Variants in GREB1 observed in about 807,000 individuals in gnomAD.
GREB1 encodes protein GREB1.
GREB1 carries 106 observed loss-of-function variants against 200.7 expected under a neutral mutation model. The ratio of observed to expected loss-of-function variants is 0.53; its 90% CI spans 0.45 to 0.62. The LOEUF (loss-of-function observed/expected upper bound fraction) is 0.62. Among genes scored for constraint, GREB1 ranks in the 20% least tolerant of loss-of-function variants. The pLI, the probability that GREB1 is intolerant of heterozygous loss-of-function variation, is 0.00. For synonymous variants in GREB1, 1,132 were observed against 1,092.4 expected (o/e 1.04, Z -0.72); for missense variants, 2,243 against 2,556.8 (o/e 0.88, Z 2.65).
intron 1 of GREB1, among the ~76,000 whole-genome samples, chr2:11,499,412 G>A (rs1672970208): frequency 6.6e-6 from 1 of 152,240 alleles, no homozygotes; most frequent in Non-Finnish European, 1.5e-5. Context: ...TCAAAGACAT[G>A]TCTAAACACT....
At chr2:11,544,407 A>G (rs529182275) in intron 1 of GREB1, among the ~76,000 whole-genome samples, 25 of 152,140 alleles carry the variant, frequency 1.6e-4, no homozygotes, top group East Asian at 9.7e-4. Context: ...TTGTAGAGGC[A>G]GGGTTTCACC....
chr2:11,578,792 G>C (rs1444245895), intron 6 of GREB1, among the ~76,000 whole-genome samples: 1 of 152,162 alleles, frequency 6.6e-6, no homozygotes, highest in Non-Finnish European at 1.5e-5. Flanking sequence ...AGACCAGATT[G>C]CTGCCATTCA....
At chr2:11,558,463 G>C (rs1283700280) in intron 2 of GREB1, among the ~76,000 whole-genome samples, 2 of 152,196 alleles carry the variant, frequency 1.3e-5, no homozygotes, top group Non-Finnish European at 2.9e-5. Flanking sequence ...GCGGTTGAAG[G>C]TTCCCTGCCA....
intron 1 of GREB1, among the ~76,000 whole-genome samples, chr2:11,486,907 A>G (rs1169103353): frequency 2.6e-5 from 4 of 152,020 alleles, no homozygotes; most frequent in African/African-American, 7.2e-5. Flanking sequence ...ACAGAAATCT[A>G]TGATTTAGAT....
At chr2:11,555,580 C>G (rs971357530) in intron 1 of GREB1, among the ~76,000 whole-genome samples, 1 of 152,208 alleles carries the variant, frequency 6.6e-6, no homozygotes, top group Non-Finnish European at 1.5e-5. Flanking sequence ...TCATGCTAAA[C>G]AGATGAATCT....
At chr2:11,618,262 C>T in intron 21 of GREB1, 26 bp from the exon 22 acceptor site, 1 of 1,183,354 alleles carries the variant, frequency 8.5e-7, no homozygotes, top group Non-Finnish European at 1.1e-6. Flanking sequence ...TCTAGGACGT[C>T]CCTGACCATG....
intron 21 of GREB1, among the ~76,000 whole-genome samples, chr2:11,617,837 G>A (rs916804450): frequency 3.3e-5 from 5 of 152,132 alleles, no homozygotes; most frequent in African/African-American, 9.7e-5. Context: ...CTGGCTAGGG[G>A]GCATCTGGGG....
In GREB1 at chr2:11,618,523, C is replaced by T; in HGVS notation, c.3648C>T (p.Thr1216=). ...TGQRSVQVSV[T]SSCSQLSSSS... ...AGAGGAGCGTCCAGGTGTCGGTCAC[C>T]TCGTCGTGCTCCCAGCTGTCCTCCT... is the stretch of plus-strand genomic sequence containing the variant. Residue 1216 remains threonine (T), a synonymous_variant, in exon 22 of 33, where the codon ACC becomes ACT. Coordinates refer to ENST00000381486, the MANE Select transcript of GREB1 (RefSeq NM_014668.4). 6.2e-7 allele frequency: 1 copy of T among 1,612,218 alleles called. No homozygotes were observed. The highest frequency in any genetic ancestry group is 8.5e-7 in the Non-Finnish European group (1 of 1,179,690).
At chr2:11,524,760 TC>T (rs1253327416) in intron 1 of GREB1, among the ~76,000 whole-genome samples, 4 of 152,120 alleles carry the variant, frequency 2.6e-5, no homozygotes, top group Non-Finnish European at 4.4e-5. Flanking sequence ...ACCCTGTCCA[TC>T]CCCCCACTTC....
Position 11,641,292 on chromosome 2 carries a change from G to A in GREB1, c.*838G>A, listed in dbSNP as rs1404260108. Reference sequence around the variant, plus strand: ...AATAGTTGATGAGAACTAGACTTATGACTGTAGTTTACTAGAGTTTAGTTT... The same window carrying A: ...AATAGTTGATGAGAACTAGACTTATAACTGTAGTTTACTAGAGTTTAGTTT... On this transcript the variant is annotated 3_prime_UTR_variant, in exon 33 of 33. Coordinates refer to ENST00000381486, the MANE Select transcript of GREB1 (RefSeq NM_014668.4). The A allele has an allele frequency of 2.6e-5, 4 of 152,152 alleles. No homozygotes were observed. Among genetic ancestry groups the A allele is most frequent in the South Asian group, 2.1e-4 (1 of 4,820 alleles). 9.4% of individuals were successfully genotyped at this position (152,152 alleles called of 1,614,324 possible).
chr2:11,586,215 C>A (rs1298035836), intron 9 of GREB1, among the ~76,000 whole-genome samples: 3 of 152,228 alleles, frequency 2.0e-5, no homozygotes, highest in African/African-American at 7.2e-5. Context: ...CATTGAGCTT[C>A]TGCCGTGGTC....
intron 10 of GREB1, among the ~76,000 whole-genome samples, chr2:11,590,197 C>T (rs1038197543): frequency 1.3e-5 from 2 of 152,096 alleles, no homozygotes; most frequent in African/African-American, 4.8e-5. Flanking sequence ...ATAGTCCCCA[C>T]CTGTCCATCA....
chr2:11,619,293 G>T (rs1165711028), intron 22 of GREB1, among the ~76,000 whole-genome samples: 1 of 152,178 alleles, frequency 6.6e-6, no homozygotes, highest in Non-Finnish European at 1.5e-5. Context: ...AGAACTAGGG[G>T]TTCTGTTTCC....
intron 22 of GREB1, among the ~76,000 whole-genome samples, chr2:11,620,013 T>C (rs1683870224): frequency 6.6e-6 from 1 of 152,220 alleles, no homozygotes; most frequent in African/African-American, 2.4e-5. Context: ...AGTCTCGCTC[T>C]GTCGCCAGGC....
intron 24 of GREB1, 72 bp from the exon 25 acceptor site, chr2:11,626,889 TC>T: frequency 6.5e-7 from 1 of 1,533,196 alleles, no homozygotes; most frequent in African/African-American, 1.4e-5. Flanking sequence ...ATTTTTGGTT[TC>T]TGTTTGAGCA....
Position 11,576,411 on chromosome 2 carries a change from C to T in GREB1, c.513C>T (p.Phe171=). ...AAGGCTTCTGTTACTTCACGGAATTCTCCAATCATATAAATCTGAAACTGA... is the reference window on the plus strand; with the variant it reads ...AAGGCTTCTGTTACTTCACGGAATTTTCCAATCATATAAATCTGAAACTGA... The part of the protein sequence containing the change: ...GKKGFCYFTE[F]SNHINLKLTT... Residue 171 remains phenylalanine (F), a synonymous_variant, in exon 5 of 33, where the codon TTC becomes TTT. Transcript: ENST00000381486. The T allele has an allele frequency of 6.2e-7, 1 of 1,613,982 alleles. No homozygotes were observed. Among genetic ancestry groups the T allele is most frequent in the South Asian group, 1.1e-5 (1 of 91,080 alleles).
chr2:11,637,655 G>T, intron 30 of GREB1, 61 bp from the exon 31 acceptor site: 2 of 1,522,114 alleles, frequency 1.3e-6, no homozygotes, highest in Admixed American at 1.7e-5. Flanking sequence ...CAGCCCGGAA[G>T]CCATGGGAAG....
chr2:11,514,224 G>C (rs1364641038), intron 1 of GREB1, among the ~76,000 whole-genome samples: 1 of 152,178 alleles, frequency 6.6e-6, no homozygotes, highest in Non-Finnish European at 1.5e-5. Context: ...ATATGGTGCT[G>C]GCTTATTTAC....
chr2:11,494,628 G>C (rs1226109058), intron 1 of GREB1, among the ~76,000 whole-genome samples: 2 of 152,156 alleles, frequency 1.3e-5, no homozygotes, highest in African/African-American at 4.8e-5. Flanking sequence ...CTTTTTTAAT[G>C]GGAGTGATCT....
Sources: allele counts gnomAD v4.1 joint callset (sites outside exome capture counted in the v4.1 genomes callset), GRCh38; gene constraint gnomAD v4.1.1; transcripts MANE v1.5; gene names NCBI Gene and HGNC (gene_info 2026-07-23, HGNC 2026-07-21).